Variants in CNBD1 observed in about 807,000 individuals in gnomAD.
The protein encoded by CNBD1 is cyclic nucleotide-binding domain-containing protein 1.
In CNBD1, 71 loss-of-function variants were observed where a neutral mutation model predicts 54.4. The ratio of observed to expected loss-of-function variants is 1.30; its 90% confidence interval spans 1.08 to 1.59. The LOEUF is 1.59. Among genes scored for constraint, CNBD1 ranks in the 40% most tolerant of loss-of-function variants. The pLI is 0.00. For synonymous variants in CNBD1, 182 were observed against 170.7 expected (o/e 1.07, Z -0.51); for missense variants, 659 against 518.0 (o/e 1.27, Z -2.64).
chr8:87,038,041 A>T (rs1809986653), intron 4 of CNBD1, among the ~76,000 whole-genome samples: 1 of 152,134 alleles, frequency 6.6e-6, no homozygotes, highest in African/African-American at 2.4e-5. Flanking sequence ...TAGAGAGGTG[A>T]ATGAGGATCT....
intron 10 of CNBD1, among the ~76,000 whole-genome samples, chr8:87,382,183 A>G (rs1811090753): frequency 6.6e-6 from 1 of 151,982 alleles, no homozygotes; most frequent in Admixed American, 6.6e-5. Context: ...GGAATTTAAT[A>G]TAGCTCTGTT....
chr8:87,371,335 T>C (rs907409182), intron 10 of CNBD1, among the ~76,000 whole-genome samples: 13 of 151,968 alleles, frequency 8.6e-5, no homozygotes, highest in Admixed American at 1.3e-4. Flanking sequence ...GCCATTTTCA[T>C]GATATTGATT....
chr8:86,868,868 T>C (rs1808400906), intron 1 of CNBD1, among the ~76,000 whole-genome samples: 1 of 152,172 alleles, frequency 6.6e-6, no homozygotes. Context: ...TTGGCTCCAC[T>C]TGAGATGGGA....
intron 4 of CNBD1, among the ~76,000 whole-genome samples, chr8:87,199,440 A>G (rs1362860629): frequency 6.6e-6 from 1 of 152,218 alleles, no homozygotes; most frequent in Non-Finnish European, 1.5e-5. Flanking sequence ...AGGTAAGTAT[A>G]CACTCTTGCA....
At chr8:86,947,894 T>G (rs1244983162) in intron 4 of CNBD1, among the ~76,000 whole-genome samples, 1 of 152,044 alleles carries the variant, frequency 6.6e-6, no homozygotes, top group East Asian at 1.9e-4. Context: ...CATCCCTACC[T>G]CCTCCCAACC....
In CNBD1 at chr8:87,320,619, T is replaced by G. The variant is rs374238586; in HGVS notation, c.1043-31066T>G. On this transcript the variant is annotated intron_variant, in intron 8 of 10. Coordinates refer to ENST00000518476, the MANE Select transcript of CNBD1 (RefSeq NM_173538.3). Reference sequence around the variant, plus strand: ...GTGTGTGTATGTGCACGTGTGTGTGTGGGGGGGCGGCTCAGGGTACATTTA... The same window carrying G: ...GTGTGTGTATGTGCACGTGTGTGTGGGGGGGGGCGGCTCAGGGTACATTTA... Among the ~76,000 whole-genome samples the G allele has an allele frequency of 2.4e-3, 340 of 142,788 alleles. 2 individuals carry two copies. Among genetic ancestry groups the G allele is most frequent in the East Asian group, 8.9e-3 (44 of 4,966 alleles). The allele number at this position is 142,788 out of a possible 152,430, so 93.7% of individuals were successfully genotyped here. A position where few individuals can be genotyped will look rare whatever the true frequency, so the allele number is the denominator to read the frequency against.
intron 8 of CNBD1, among the ~76,000 whole-genome samples, chr8:87,320,640 A>C (rs1324345398): frequency 2.6e-5 from 4 of 151,304 alleles, no homozygotes; most frequent in African/African-American, 9.7e-5. Flanking sequence ...CTCAGGGTAC[A>C]TTTAGATGAA....
At chr8:86,973,382 T>G (rs2130494776) in intron 4 of CNBD1, among the ~76,000 whole-genome samples, 1 of 152,328 alleles carries the variant, frequency 6.6e-6, no homozygotes, top group South Asian at 2.1e-4. Flanking sequence ...CAGTAATAAT[T>G]TATTTTATTT....
At chr8:87,044,269 G>C (rs1810135551) in intron 4 of CNBD1, among the ~76,000 whole-genome samples, 2 of 151,898 alleles carry the variant, frequency 1.3e-5, no homozygotes, top group East Asian at 1.9e-4. Flanking sequence ...TTATTAAAGA[G>C]AGATAATGTT....
chr8:87,029,580 A>G (rs561880777), intron 4 of CNBD1, among the ~76,000 whole-genome samples: 30 of 152,280 alleles, frequency 2.0e-4, no homozygotes, highest in Admixed American at 5.2e-4. Context: ...TAAATTATGT[A>G]TATAATTTAG....
At chr8:86,870,182 T>C (rs1050444713) in intron 1 of CNBD1, among the ~76,000 whole-genome samples, 8 of 136,132 alleles carry the variant, frequency 5.9e-5, no homozygotes, top group African/African-American at 2.3e-4. Context: ...AGAAACAAGA[T>C]AGTACTCTTT....
intron 4 of CNBD1, among the ~76,000 whole-genome samples, chr8:87,025,411 C>G (rs1422791129): frequency 2.6e-5 from 4 of 152,232 alleles, no homozygotes; most frequent in African/African-American, 9.6e-5. Flanking sequence ...CTATAACACT[C>G]TCTGCGAAGG....
intron 10 of CNBD1, among the ~76,000 whole-genome samples, chr8:87,377,902 A>G (rs1810985168): frequency 6.6e-6 from 1 of 151,056 alleles, no homozygotes; most frequent in Admixed American, 6.6e-5. Context: ...TCTGATGGCC[A>G]GTGATGATGA....
At chr8:87,261,036 C>A (rs1424738294) in intron 6 of CNBD1, among the ~76,000 whole-genome samples, 1 of 152,010 alleles carries the variant, frequency 6.6e-6, no homozygotes, top group Non-Finnish European at 1.5e-5. Context: ...ATTTTATAAC[C>A]CCTGCAATAC....
chr8:87,020,593 T>C (rs1809465303), intron 4 of CNBD1, among the ~76,000 whole-genome samples: 1 of 152,148 alleles, frequency 6.6e-6, no homozygotes, highest in Non-Finnish European at 1.5e-5. Flanking sequence ...CCATAAATTC[T>C]CATCAGATGG....
intron 2 of CNBD1, among the ~76,000 whole-genome samples, chr8:87,399,623 T>C (rs1358816522): frequency 2.6e-5 from 4 of 151,924 alleles, no homozygotes; most frequent in Non-Finnish European, 4.4e-5. Context: ...ATTCAAAATA[T>C]TTAACCCTTG....
chr8:87,054,277 C>A (rs777328270), intron 4 of CNBD1, among the ~76,000 whole-genome samples: 1 of 152,208 alleles, frequency 6.6e-6, no homozygotes, highest in Non-Finnish European at 1.5e-5. Context: ...AAGTTTGGGG[C>A]TGTCCCCACA....
chr8:87,383,166 G>C (rs10102047), downstream of CNBD1, among the ~76,000 whole-genome samples: 56,317 of 151,830 alleles, frequency 0.37, 10,770 homozygotes, highest in Middle Eastern at 0.45. Flanking sequence ...ATTCCATTTT[G>C]TAATAAAGTC....
chr8:87,286,497 A>G, intron 7 of CNBD1, 42 bp from the exon 8 acceptor site: 3 of 1,162,494 alleles, frequency 2.6e-6, no homozygotes, highest in Middle Eastern at 2.1e-4. Context: ...TTGATTTTAA[A>G]TTGCCTGTTA....
Sources: allele counts gnomAD v4.1 joint callset (sites outside exome capture counted in the v4.1 genomes callset), GRCh38; gene constraint gnomAD v4.1.1; transcripts MANE v1.5; gene names NCBI Gene and HGNC (gene_info 2026-07-23, HGNC 2026-07-21).